Variants in CSF2RB observed in about 807,000 individuals in gnomAD.
CSF2RB encodes the protein cytokine receptor common subunit beta.
Under a neutral mutation model 67.2 loss-of-function variants are expected in CSF2RB, and 22 were observed. The ratio of observed to expected loss-of-function variants is 0.33; its 90% CI spans 0.23 to 0.47. The LOEUF (loss-of-function observed/expected upper bound fraction) is 0.47, where lower values mean the gene tolerates loss of function less well. CSF2RB is among the 20% of genes least tolerant of loss of function. CSF2RB has a pLI of 1.00. For missense variants in CSF2RB, 1,113 were observed against 1,174.5 expected (o/e 0.95, Z 0.76); for synonymous variants, 507 against 482.9 (o/e 1.05, Z -0.65).
At chr22:36,931,429 T>C (rs1017661581) in intron 8 of CSF2RB, among the ~76,000 whole-genome samples, 5 of 152,248 alleles carry the variant, frequency 3.3e-5, no homozygotes, top group Middle Eastern at 3.2e-3. Flanking sequence ...GAATTTACCA[T>C]TAACTCTCTT....
At chr22:36,935,568 T>G in intron 11 of CSF2RB, 62 bp from the exon 12 acceptor site, 12 of 1,610,856 alleles carry the variant, frequency 7.4e-6, no homozygotes, top group East Asian at 2.2e-5. Context: ...CCTCTGGGCA[T>G]GAGCATGGGA....
At chr22:36,922,614 T>G in intron 2 of CSF2RB, 1 of 478,484 alleles carries the variant, frequency 2.1e-6, no homozygotes, top group Non-Finnish European at 3.8e-6. Context: ...GCCTCAGTGG[T>G]TCCCACCTCC....
chr22:36,918,079 A>G (rs1940765320), intron 1 of CSF2RB, among the ~76,000 whole-genome samples: 1 of 152,208 alleles, frequency 6.6e-6, no homozygotes, highest in Admixed American at 6.5e-5. Flanking sequence ...AAACTCCCAC[A>G]TTAAAATCAT....
At chr22:36,923,657 A>C in intron 3 of CSF2RB, 1 of 1,384,830 alleles carries the variant, frequency 7.2e-7, no homozygotes, top group Non-Finnish European at 9.6e-7. Flanking sequence ...ACAATTTAAC[A>C]CAATTGCCCC....
chr22:36,923,630 T>C, intron 3 of CSF2RB: 1 of 904,830 alleles, frequency 1.1e-6, no homozygotes, highest in Non-Finnish European at 1.3e-6. Context: ...ATGGTGAAAA[T>C]CTTCTCTTGT....
At chr22:36,934,262 G>A (rs113449407) in intron 10 of CSF2RB, among the ~76,000 whole-genome samples, 13 of 152,302 alleles carry the variant, frequency 8.5e-5, no homozygotes, top group Middle Eastern at 3.4e-3. Context: ...CACTCTTCAT[G>A]AGACAGCACA....
chr22:36,925,987 G>C lies in CSF2RB; in HGVS notation c.201G>C (p.Glu67Asp). ...GCTAAGCCGTGTCCTCTCCCAACAG[G>C]GACCTCCTGGAGCCAGTGTCCTGTG... ...VNVTLIRRVN[E>D]DLLEPVSCDL... is the part of the protein sequence containing the mutation. The change falls in exon 4 of 14, where the codon GAG becomes GAC. Residue 67 changes from glutamate (E) to aspartate (D), a missense_variant and splice_region_variant. Glu to Asp is a conservative substitution (Grantham distance 45). Transcript: ENST00000403662. 6.2e-7 allele frequency: 1 copy of C among 1,614,156 alleles called. No individual in the cohort carries two copies.
intron 9 of CSF2RB, 132 bp downstream of exon 9, chr22:36,933,036 G>T: frequency 2.8e-6 from 3 of 1,068,990 alleles, no homozygotes; most frequent in Non-Finnish European, 4.1e-6. Flanking sequence ...CTGGGACGTG[G>T]TGATCACTAG....
intron 9 of CSF2RB, 141 bp downstream of exon 9, chr22:36,933,045 A>T: frequency 9.8e-7 from 1 of 1,016,184 alleles, no homozygotes; most frequent in South Asian, 1.5e-5. Flanking sequence ...GGTGATCACT[A>T]GGCTGTGTGG....
Position 36,932,828 on chromosome 22 carries a change from A to G in CSF2RB, c.1076A>G (p.Glu359Gly). The change falls in exon 9 of 14, where the codon GAA becomes GGA. Residue 359 changes from glutamate (E) to glycine (G), a missense_variant. By Grantham distance (98) the Glu-to-Gly change is moderately conservative (BLOSUM62 -2). Coordinates refer to ENST00000403662, the MANE Select transcript of CSF2RB (RefSeq NM_000395.3). ...KDGDSYSLRW[E>G]TMKMRYEHID... is the part of the protein sequence containing the mutation. ...GGAGACAGCTACAGCCTGCGCTGGGAAACAATGAAAATGCGATACGAACAC... is the reference window on the plus strand; with the variant it reads ...GGAGACAGCTACAGCCTGCGCTGGGGAACAATGAAAATGCGATACGAACAC... 3.1e-6 allele frequency: 5 copies of G among 1,614,194 alleles called. No individual in the cohort carries two copies. The highest frequency in any genetic ancestry group is 4.2e-6 in the Non-Finnish European group (5 of 1,180,034).
rs777489716 is a variant in CSF2RB, at chr22:36,930,419, G to A, written c.763G>A (p.Ala255Thr). The change falls in exon 7 of 14, where the codon GCC (alanine) becomes ACC (threonine). Residue 255 changes from alanine (A) to threonine (T), a missense_variant. Coordinates refer to ENST00000403662, the MANE Select transcript of CSF2RB (RefSeq NM_000395.3). ...GAACCTGGAGTGCTTCTTTGACGGG[G>A]CCGCCGTGCTCAGCTGCTCCTGGGA... is the stretch of plus-strand genomic sequence containing the variant. Reference protein sequence around the residue: ...PQNLECFFDGAAVLSCSWEVR... With the variant: ...PQNLECFFDGTAVLSCSWEVR... 1.8e-5 allele frequency: 29 copies of A among 1,613,540 alleles called. No homozygotes were observed. The highest frequency in any genetic ancestry group is 2.2e-5 in the Non-Finnish European group (26 of 1,180,030).
chr22:36,922,308 T>G (rs979695114), intron 2 of CSF2RB, 25 bp downstream of exon 2: 1 of 1,559,296 alleles, frequency 6.4e-7, no homozygotes, highest in African/African-American at 1.4e-5. Flanking sequence ...TCCCACCCAC[T>G]TCCCTGTCCC....
At chr22:36,932,535 C>A (rs1253854862) in intron 8 of CSF2RB, among the ~76,000 whole-genome samples, 1 of 151,838 alleles carries the variant, frequency 6.6e-6, no homozygotes, top group Non-Finnish European at 1.5e-5. Flanking sequence ...AGGAGTAGTG[C>A]AAGCACTGGG....
At chr22:36,935,480 C>G in intron 11 of CSF2RB, 39 bp downstream of exon 11, 1 of 1,608,812 alleles carries the variant, frequency 6.2e-7, no homozygotes. Flanking sequence ...GCAGCCGAGA[C>G]CCCAGAGGGC....
chr22:36,939,324 G>A lies in CSF2RB; in HGVS notation c.*822G>A, dbSNP rs1055726233. On this transcript the variant is annotated 3_prime_UTR_variant, in exon 14 of 14. Transcript: ENST00000403662. ...ATCAGGAGAGGAGTCCAGAGCCCAC[G>A]TCTACTGCGGAAAAGTCAGGGGAAA... is the stretch of plus-strand genomic sequence containing the variant. 2.9e-5 allele frequency: 20 copies of A among 697,916 alleles called. No individual in the cohort carries two copies. The highest frequency in any genetic ancestry group is 2.8e-4 in the African/African-American group (16 of 57,026). 43.2% of individuals were successfully genotyped at this position (697,916 alleles called of 1,614,324 possible). A position where few individuals can be genotyped will look rare whatever the true frequency, so the allele number is the denominator to read the frequency against.
intron 4 of CSF2RB, among the ~76,000 whole-genome samples, chr22:36,929,152 G>C (rs920815145): frequency 6.6e-6 from 1 of 152,206 alleles, no homozygotes; most frequent in Non-Finnish European, 1.5e-5. Context: ...CCTCGCCAGC[G>C]CTTTTTATGG....
rs1358794925 is a variant in CSF2RB at position 36,940,413 on chromosome 22, T to A, written c.*1911T>A. On this transcript the variant is annotated 3_prime_UTR_variant, in exon 14 of 14. Coordinates refer to ENST00000403662, the MANE Select transcript of CSF2RB (RefSeq NM_000395.3). ...TCCAGACATTGTTAAAGGGAAAAAA[T>A]TGCAATAAAATATTTGTAACATAAA... 1 of 152,188 alleles carries A rather than the reference T, an allele frequency of 6.6e-6. No homozygotes were observed. The highest frequency in any genetic ancestry group is 1.5e-5 in the Non-Finnish European group (1 of 68,048). 9.4% of individuals were successfully genotyped at this position (152,188 alleles called of 1,614,324 possible). A position where few individuals can be genotyped will look rare whatever the true frequency, so the allele number is the denominator to read the frequency against.
At chr22:36,934,054 C>T (rs1941218496) in intron 10 of CSF2RB, 60 bp downstream of exon 10, 1 of 1,596,152 alleles carries the variant, frequency 6.3e-7, no homozygotes, top group African/African-American at 1.3e-5. Flanking sequence ...TTCTCACTGC[C>T]AGAAAATCCC....
intron 9 of CSF2RB, 51 bp from the exon 10 acceptor site, chr22:36,933,781 G>A: frequency 6.4e-7 from 1 of 1,565,112 alleles, no homozygotes; most frequent in Non-Finnish European, 8.6e-7. Context: ...GGGATTTGCA[G>A]CTGCTCCCAC....
Sources: allele counts gnomAD v4.1 joint callset (sites outside exome capture counted in the v4.1 genomes callset), GRCh38; gene constraint gnomAD v4.1.1; transcripts MANE v1.5; gene names NCBI Gene and HGNC (gene_info 2026-07-23, HGNC 2026-07-21).